SGCZ: variants seen among roughly 807,000 people sequenced by gnomAD.
SGCZ encodes zeta-sarcoglycan.
SGCZ carries 40 observed loss-of-function variants against 41.3 expected under a neutral mutation model. The observed-to-expected ratio is 0.97, with a 90% CI of 0.75 to 1.26. The LOEUF is 1.26. SGCZ is among the 50% of genes most tolerant of loss of function. SGCZ has a pLI of 0.00. For synonymous variants in SGCZ, 206 were observed against 137.5 expected (o/e 1.50, Z -3.49); for missense variants, 552 against 369.8 (o/e 1.49, Z -4.04).
At chr8:14,447,170 C>G (rs1251071287) in intron 2 of SGCZ, among the ~76,000 whole-genome samples, 1 of 152,160 alleles carries the variant, frequency 6.6e-6, no homozygotes, top group East Asian at 1.9e-4. Context: ...TATGTTCACT[C>G]AACCAGTCTC....
intron 1 of SGCZ, among the ~76,000 whole-genome samples, chr8:14,662,564 C>A (rs1225743929): frequency 1.3e-5 from 2 of 152,098 alleles, no homozygotes; most frequent in East Asian, 3.9e-4. Context: ...ACATGTGATA[C>A]CTTCACTAGG....
intron 3 of SGCZ, among the ~76,000 whole-genome samples, chr8:14,269,823 C>T (rs1030559060): frequency 6.6e-6 from 1 of 151,986 alleles, no homozygotes; most frequent in African/African-American, 2.4e-5. Flanking sequence ...AGTCTGCATA[C>T]GTTTTTGCTT....
intron 2 of SGCZ, among the ~76,000 whole-genome samples, chr8:14,520,590 C>A (rs1325083665): frequency 6.6e-6 from 1 of 151,894 alleles, no homozygotes; most frequent in Non-Finnish European, 1.5e-5. Context: ...AAAATAATTG[C>A]CATATAATAA....
intron 4 of SGCZ, among the ~76,000 whole-genome samples, chr8:14,176,739 C>T (rs1308343811): frequency 6.6e-6 from 1 of 152,128 alleles, no homozygotes; most frequent in African/African-American, 2.4e-5. Context: ...AGCCTAGGAG[C>T]AGGTGTCAGA....
At chr8:14,404,712 A>G (rs188250285) in intron 2 of SGCZ, among the ~76,000 whole-genome samples, 14 of 152,276 alleles carry the variant, frequency 9.2e-5, no homozygotes, top group Admixed American at 2.6e-4. Context: ...TGTAACTGAC[A>G]TACAGGCCTG....
Position 14,769,506 on chromosome 8 carries a change from T to C in SGCZ, c.40-214580A>G, listed in dbSNP as rs1222096730. 4.6e-5 allele frequency among the ~76,000 whole-genome samples: 7 copies of C among 152,152 alleles called. 1 individual carries two copies. In the East Asian group the frequency reaches 9.7e-4, roughly 21 times the overall value. ...GGAGTGGTCTTTTAAAACACTTCAATGGCAGCCAGGCGCGATGGCTCACGC... is the reference window on the plus strand; with the variant it reads ...GGAGTGGTCTTTTAAAACACTTCAACGGCAGCCAGGCGCGATGGCTCACGC... On this transcript the variant is annotated intron_variant, in intron 1 of 7. Coordinates refer to ENST00000382080, the MANE Select transcript of SGCZ (RefSeq NM_139167.4).
intron 4 of SGCZ, among the ~76,000 whole-genome samples, chr8:14,166,528 T>C (rs1028489599): frequency 5.3e-5 from 8 of 152,144 alleles, no homozygotes; most frequent in African/African-American, 1.9e-4. Context: ...GCCTGAAAGG[T>C]ATTATAGATA....
intron 4 of SGCZ, among the ~76,000 whole-genome samples, chr8:14,234,202 T>C (rs1010623220): frequency 6.6e-6 from 1 of 152,068 alleles, no homozygotes; most frequent in Non-Finnish European, 1.5e-5. Flanking sequence ...CAGAAACATA[T>C]AAAATATTTC....
At chr8:14,676,753 A>C (rs568293929) in intron 1 of SGCZ, among the ~76,000 whole-genome samples, 2 of 152,346 alleles carry the variant, frequency 1.3e-5, no homozygotes, top group South Asian at 4.1e-4. Flanking sequence ...AGAATCTGAT[A>C]AAATCCAACA....
At chr8:14,273,922 A>T (rs567293978) in intron 3 of SGCZ, among the ~76,000 whole-genome samples, 4 of 152,310 alleles carry the variant, frequency 2.6e-5, no homozygotes, top group African/African-American at 9.6e-5. Context: ...TTACAAGAAA[A>T]ACTGAACTAT....
intron 1 of SGCZ, among the ~76,000 whole-genome samples, chr8:14,614,327 G>A (rs1428144194): frequency 2.0e-5 from 3 of 151,992 alleles, no homozygotes; most frequent in Admixed American, 6.6e-5. Flanking sequence ...TTACAGTAAT[G>A]AATATAATTC....
intron 1 of SGCZ, among the ~76,000 whole-genome samples, chr8:15,137,963 G>T (rs970831480): frequency 1.4e-4 from 21 of 152,274 alleles, no homozygotes; most frequent in African/African-American, 4.8e-4. Flanking sequence ...GCCTGGAAAT[G>T]CCACAGACGC....
At chr8:14,420,345 G>T (rs947859055) in intron 2 of SGCZ, among the ~76,000 whole-genome samples, 1 of 151,890 alleles carries the variant, frequency 6.6e-6, no homozygotes, top group Non-Finnish European at 1.5e-5. Context: ...ACTAATTATT[G>T]CTATTCACAA....
At chr8:15,140,318 C>T (rs1399263685) in intron 1 of SGCZ, among the ~76,000 whole-genome samples, 2 of 152,130 alleles carry the variant, frequency 1.3e-5, no homozygotes, top group Non-Finnish European at 2.9e-5. Flanking sequence ...AGCCACCGTG[C>T]CCAGTCATTA....
chr8:14,176,707 G>T (rs147608939), intron 4 of SGCZ, among the ~76,000 whole-genome samples: 1 of 152,250 alleles, frequency 6.6e-6, no homozygotes, highest in East Asian at 1.9e-4. Context: ...CAAGTGGGTG[G>T]GGGGCCAAGA....
At chr8:14,629,223 T>C (rs1034435740) in intron 1 of SGCZ, among the ~76,000 whole-genome samples, 12 of 152,142 alleles carry the variant, frequency 7.9e-5, no homozygotes, top group African/African-American at 2.7e-4. Flanking sequence ...TACTTCACTG[T>C]AGAATGGAGT....
At chr8:14,744,771 C>T (rs973927873) in intron 1 of SGCZ, among the ~76,000 whole-genome samples, 3 of 152,156 alleles carry the variant, frequency 2.0e-5, no homozygotes, top group Admixed American at 1.3e-4. Context: ...ACCTTTCAGT[C>T]ATTCATTTAT....
chr8:15,058,842 C>A (rs76047512), intron 1 of SGCZ, among the ~76,000 whole-genome samples: 8,114 of 152,174 alleles, frequency 0.053, 288 homozygotes, highest in South Asian at 0.12. Flanking sequence ...AATATTTGAA[C>A]TATCCTTAGT....
At chr8:14,447,300 G>A (rs1800460461) in intron 2 of SGCZ, among the ~76,000 whole-genome samples, 1 of 152,056 alleles carries the variant, frequency 6.6e-6, no homozygotes, top group Non-Finnish European at 1.5e-5. Flanking sequence ...TTTCCATGGT[G>A]TTTAATGCAT....
Sources: allele counts gnomAD v4.1 joint callset (sites outside exome capture counted in the v4.1 genomes callset), GRCh38; gene constraint gnomAD v4.1.1; transcripts MANE v1.5; gene names NCBI Gene and HGNC (gene_info 2026-07-23, HGNC 2026-07-21).